Variants in WDR41 observed in about 807,000 individuals in gnomAD.
WDR41 encodes WD repeat domain 41, also known as WD repeat-containing protein 41.
A neutral mutation model predicts 69.3 loss-of-function variants in WDR41; 63 were observed. The ratio of observed to expected loss-of-function variants is 0.91; its 90% CI spans 0.74 to 1.12. The LOEUF (loss-of-function observed/expected upper bound fraction) is 1.12, where lower values mean the gene tolerates loss of function less well. Among genes scored for constraint, WDR41 ranks in the 50% most tolerant of loss-of-function variants. The probability of loss-of-function intolerance (pLI) is 0.00; values close to 1 mark genes in which losing one functional copy is unlikely to be tolerated. For synonymous variants in WDR41, 185 were observed against 192.1 expected, an observed-to-expected ratio of 0.96 and a Z score of 0.31; for missense variants, 543 against 534.5, an observed-to-expected ratio of 1.02 and a Z score of -0.16.
chr5:77,446,525 A>G (rs1799386968), intron 8 of WDR41, among the ~76,000 whole-genome samples: 1 of 152,222 alleles, frequency 6.6e-6, no homozygotes, highest in South Asian at 2.1e-4. Context: ...ACTGCAAACT[A>G]TATTACAAGG....
intron 2 of WDR41, among the ~76,000 whole-genome samples, chr5:77,488,845 G>A (rs1052473902): frequency 6.6e-6 from 1 of 152,122 alleles, no homozygotes; most frequent in East Asian, 1.9e-4. Flanking sequence ...AATTATTATG[G>A]TGAAACATGC....
chr5:77,437,270 T>C, intron 11 of WDR41, 66 bp downstream of exon 11: 1 of 1,316,068 alleles, frequency 7.6e-7, no homozygotes, highest in Non-Finnish European at 1.1e-6. Context: ...ATAATTGTCC[T>C]TCTCCTGCCT....
chr5:77,598,646 TTTTTTTTTTG>T (rs1332077608), intron 1 of WDR41, among the ~76,000 whole-genome samples: 1 of 130,238 alleles, frequency 7.7e-6, no homozygotes, highest in African/African-American at 2.6e-5. Context: ...TAAGTTTCCT[TTTTTTTTTTG>T]TTTTTTTTGT....
At chr5:77,501,920 G>T (rs1802022876) in intron 1 of WDR41, among the ~76,000 whole-genome samples, 1 of 152,184 alleles carries the variant, frequency 6.6e-6, no homozygotes, top group Non-Finnish European at 1.5e-5. Context: ...AAGATGGAGA[G>T]AAATCAGAGC....
intron 2 of WDR41, among the ~76,000 whole-genome samples, chr5:77,467,416 T>C (rs897458282): frequency 1.3e-5 from 2 of 151,992 alleles, no homozygotes; most frequent in African/African-American, 4.8e-5. Context: ...AACTTTATGA[T>C]TGTTTAGAAA....
At chr5:77,456,616 A>C (rs1799844740) in intron 5 of WDR41, among the ~76,000 whole-genome samples, 1 of 152,216 alleles carries the variant, frequency 6.6e-6, no homozygotes, top group Admixed American at 6.5e-5. Context: ...GTACAATGTT[A>C]AACAGATGTG....
At chr5:77,574,368 G>A (rs911643269) in intron 1 of WDR41, among the ~76,000 whole-genome samples, 2 of 152,006 alleles carry the variant, frequency 1.3e-5, no homozygotes, top group African/African-American at 4.8e-5. Flanking sequence ...TTAGCAAACT[G>A]GTTTCTGATC....
intron 1 of WDR41, among the ~76,000 whole-genome samples, chr5:77,617,883 C>T (rs1369484349): frequency 2.0e-5 from 3 of 152,134 alleles, no homozygotes; most frequent in Admixed American, 6.5e-5. Flanking sequence ...CAAATAACTA[C>T]CCATATGAGT....
intron 2 of WDR41, among the ~76,000 whole-genome samples, chr5:77,482,059 A>G (rs1801297613): frequency 6.6e-6 from 1 of 152,310 alleles, no homozygotes; most frequent in African/African-American, 2.4e-5. Context: ...TTAACTTTTC[A>G]TTACGGAGAA....
chr5:77,464,666 T>TA (rs1395744587), intron 3 of WDR41, 95 bp downstream of exon 3: 5 of 1,217,584 alleles, frequency 4.1e-6, no homozygotes, highest in Middle Eastern at 1.9e-4. Flanking sequence ...TTAACAGTGA[T>TA]ATGTAAATGT....
At chr5:77,506,052 T>C (rs1169257556) in intron 1 of WDR41, among the ~76,000 whole-genome samples, 3 of 152,186 alleles carry the variant, frequency 2.0e-5, no homozygotes, top group East Asian at 1.9e-4. Context: ...CTAATTAAAC[T>C]AAAGAGCTTC....
chr5:77,614,772 C>T (rs545954188), intron 1 of WDR41, among the ~76,000 whole-genome samples: 2 of 150,696 alleles, frequency 1.3e-5, no homozygotes, highest in South Asian at 2.1e-4. Flanking sequence ...ACATTGTGCA[C>T]ATGTACCCTA....
chr5:77,500,091 G>GA (rs1445674684), intron 1 of WDR41, among the ~76,000 whole-genome samples: 5 of 152,150 alleles, frequency 3.3e-5, no homozygotes, highest in African/African-American at 1.2e-4. Context: ...AGCTCACATG[G>GA]AAAAATATAA....
chr5:77,456,747 G>C (rs1361504541), intron 5 of WDR41, among the ~76,000 whole-genome samples: 1 of 152,034 alleles, frequency 6.6e-6, no homozygotes, highest in African/African-American at 2.4e-5. Flanking sequence ...TATCGCCCAG[G>C]CTAGAGTGCA....
intron 8 of WDR41, among the ~76,000 whole-genome samples, chr5:77,443,876 C>CTT (rs746105630): frequency 2.8e-4 from 29 of 105,020 alleles, no homozygotes; most frequent in South Asian, 2.6e-3. Flanking sequence ...TCAATCAGCA[C>CTT]TTTTTTTTTT....
chr5:77,475,095 T>C (rs1472952443), intron 2 of WDR41, among the ~76,000 whole-genome samples: 2 of 152,188 alleles, frequency 1.3e-5, no homozygotes, highest in East Asian at 3.9e-4. Context: ...ACCCTAATAC[T>C]GCGCTTTTCC....
chr5:77,493,736 G>A (rs1273915337), upstream of WDR41, among the ~76,000 whole-genome samples: 1 of 152,152 alleles, frequency 6.6e-6, no homozygotes, highest in African/African-American at 2.4e-5. Context: ...GACATCAGGA[G>A]TTCAGTTCTG....
intron 1 of WDR41, chr5:77,491,403 T>G (rs1013883372): frequency 1.2e-4 from 18 of 155,752 alleles, no homozygotes; most frequent in Admixed American, 1.1e-3. Context: ...AAGCTTTTAT[T>G]GCTCACACAA....
chr5:77,609,337 C>T (rs1400413419), intron 1 of WDR41, among the ~76,000 whole-genome samples: 10 of 152,266 alleles, frequency 6.6e-5, no homozygotes, highest in Non-Finnish European at 1.0e-4. Flanking sequence ...GATCTGAGAA[C>T]GGGCAGACTG....
Sources: gnomAD v4.1 joint callset for allele counts (sites outside exome capture counted in the v4.1 genomes callset) on GRCh38, gnomAD v4.1.1 for gene constraint, MANE v1.5 for transcripts, NCBI Gene and HGNC (gene_info 2026-07-23, HGNC 2026-07-21) for gene names.